PSMA8: variants seen among roughly 807,000 people sequenced by gnomAD.
PSMA8 encodes proteasome 20S subunit alpha 8, also known as proteasome subunit alpha-type 8.
PSMA8 carries 18 observed loss-of-function variants against 32.4 expected under a neutral mutation model. That is an observed-to-expected ratio of 0.56 (90% CI 0.38 to 0.82). The LOEUF is 0.82. Ranked by LOEUF, PSMA8 falls within the 40% of genes least tolerant of loss-of-function variation. PSMA8 has a pLI of 0.00. For missense variants in PSMA8, 298 were observed against 300.7 expected (o/e 0.99, Z 0.07); for synonymous variants, 104 against 98.1 (o/e 1.06, Z -0.36).
intron 4 of PSMA8, among the ~76,000 whole-genome samples, chr18:26,173,092 CTCTGT>C (rs2055236533): frequency 6.6e-6 from 1 of 152,170 alleles, no homozygotes. Context: ...CAGGTCACCT[CTCTGT>C]TCAAAATCCC....
rs1396527020 is a variant in PSMA8 at position 26,158,009 on chromosome 18, A to G, written c.355-113A>G. ...AAGGGTTAGGAAAAAGATCATTAAT[A>G]TATGTCGAATAAGAATTAGGGAAGT... is the stretch of plus-strand genomic sequence containing the variant. On this transcript the variant is annotated intron_variant, in intron 3 of 6. Coordinates refer to ENST00000415576, the MANE Select transcript of PSMA8 (RefSeq NM_001025096.2). The G allele has an allele frequency of 1.3e-5, 9 of 695,996 alleles. No individual in the cohort carries two copies. The South Asian group carries it at 2.0e-4, about 15-fold the overall frequency. 43.1% of individuals were successfully genotyped at this position (695,996 alleles called of 1,614,324 possible).
intron 4 of PSMA8, among the ~76,000 whole-genome samples, chr18:26,169,458 T>C (rs1201026005): frequency 7.6e-6 from 1 of 131,364 alleles, no homozygotes; most frequent in Admixed American, 7.2e-5. Flanking sequence ...CTTGAACTTA[T>C]AATTGGTTTT....
In PSMA8 at chr18:26,158,192, G is replaced by A. The variant is rs529333519; in HGVS notation, c.425G>A (p.Gly142Asp). 2 of 1,607,764 alleles carry A rather than the reference G, an allele frequency of 1.2e-6. No homozygotes were observed. Among genetic ancestry groups the A allele is most frequent in the African/African-American group, 2.7e-5 (2 of 74,892 alleles). ...TTAATTGTAGGTTTTGATGATGATGGTATCTCAAGATTGTATCAGACAGAT... is the reference window on the plus strand; with the variant it reads ...TTAATTGTAGGTTTTGATGATGATGATATCTCAAGATTGTATCAGACAGAT... ...SALIVGFDDD[G>D]ISRLYQTDPS... Residue 142 changes from glycine (G) to aspartate (D), a missense_variant, in exon 4 of 7, where the codon GGT becomes GAT. Gly to Asp is a moderately conservative substitution (Grantham distance 94). Transcript: ENST00000415576.
chr18:26,179,216 G>A (rs1039937527), intron 6 of PSMA8, 86 bp downstream of exon 6: 5 of 913,010 alleles, frequency 5.5e-6, no homozygotes, highest in Admixed American at 2.2e-5. Context: ...CTAGGCTTCC[G>A]ATATAATGTT....
chr18:26,173,478 A>G (rs1220222508), intron 4 of PSMA8, among the ~76,000 whole-genome samples: 2 of 151,566 alleles, frequency 1.3e-5, no homozygotes, highest in Non-Finnish European at 2.9e-5. Flanking sequence ...TTTATTTTAC[A>G]TATTTCCTTG....
At chr18:26,160,232 G>A (rs2055124659) in intron 4 of PSMA8, among the ~76,000 whole-genome samples, 1 of 152,332 alleles carries the variant, frequency 6.6e-6, no homozygotes, top group South Asian at 2.1e-4. Context: ...TTCAGCCCAA[G>A]AGTTTGAAGC....
intron 4 of PSMA8, among the ~76,000 whole-genome samples, chr18:26,177,799 T>C (rs2055275490): frequency 6.6e-6 from 1 of 152,182 alleles, no homozygotes; most frequent in African/African-American, 2.4e-5. Context: ...CCAACTTAGG[T>C]AAATAGCTTT....
chr18:26,146,031 AT>A (rs1194559371), intron 2 of PSMA8, among the ~76,000 whole-genome samples: 1 of 151,968 alleles, frequency 6.6e-6, no homozygotes, highest in Non-Finnish European at 1.5e-5. Flanking sequence ...GCTTTTCTTC[AT>A]TTTTTTATAT....
rs59710644 is a variant in PSMA8 at position 26,140,955 on chromosome 18, T to C, written c.103-3604T>C. On this transcript the variant is annotated intron_variant, in intron 1 of 6. Coordinates refer to ENST00000415576, the MANE Select transcript of PSMA8 (RefSeq NM_001025096.2). Reference sequence around the variant, plus strand: ...TTTTAAATTTTTCTACTCCGTAATATCTTTCAATCAGATTTTCAAATTTAT... The same window carrying C: ...TTTTAAATTTTTCTACTCCGTAATACCTTTCAATCAGATTTTCAAATTTAT... Among the ~76,000 whole-genome samples the C allele has an allele frequency of 7.3e-3, 1,110 of 152,306 alleles. 17 individuals carry two copies. Among genetic ancestry groups the C allele is most frequent in the African/African-American group, 0.025 (1,053 of 41,564 alleles).
At position 26,192,518 on chromosome 18, in the gene PSMA8, A is replaced by C. The variant is rs2055412711; in HGVS notation, c.*107A>C. 24 of 1,282,986 alleles carry C rather than the reference A, an allele frequency of 1.9e-5. No homozygotes were observed. In the South Asian group the frequency reaches 4.3e-4, roughly 23 times the overall value. 79.5% of individuals were successfully genotyped at this position (1,282,986 alleles called of 1,614,324 possible). A position where few individuals can be genotyped will look rare whatever the true frequency, so the allele number is the denominator to read the frequency against. On this transcript the variant is annotated 3_prime_UTR_variant, in exon 7 of 7. Coordinates refer to ENST00000415576, the MANE Select transcript of PSMA8 (RefSeq NM_001025096.2). ...ACAGTTATTTTGCAGCATTACATGC[A>C]GTACTTGTGTGATGTTTTGAGAATG...
chr18:26,164,474 G>A (rs1201832763), intron 4 of PSMA8, among the ~76,000 whole-genome samples: 1 of 152,130 alleles, frequency 6.6e-6, no homozygotes, highest in Non-Finnish European at 1.5e-5. Context: ...GGATAAACTG[G>A]CATTATATGC....
At chr18:26,152,897 G>A (rs541343104) in intron 3 of PSMA8, among the ~76,000 whole-genome samples, 2 of 152,290 alleles carry the variant, frequency 1.3e-5, no homozygotes, top group Admixed American at 1.3e-4. Context: ...TGGCATGAAA[G>A]CCCTGGCTAG....
intron 6 of PSMA8, among the ~76,000 whole-genome samples, chr18:26,181,423 C>T (rs1442258550): frequency 2.0e-5 from 3 of 152,010 alleles, no homozygotes; most frequent in African/African-American, 7.2e-5. Context: ...TGAGGCATAA[C>T]AATATTGAAA....
At chr18:26,178,725 TA>T in intron 4 of PSMA8, 104 bp from the exon 5 acceptor site, 1 of 965,400 alleles carries the variant, frequency 1.0e-6, no homozygotes, top group Admixed American at 2.8e-5. Context: ...TTGGTAATTT[TA>T]TTAAGGTATA....
chr18:26,183,478 C>T lies in PSMA8; in HGVS notation c.660+4348C>T, dbSNP rs187446954. On this transcript the variant is annotated intron_variant, in intron 6 of 6. Coordinates refer to ENST00000415576, the MANE Select transcript of PSMA8 (RefSeq NM_001025096.2). ...GATTCCAACCCTTATGAATGACTTTCAGGAGTTCAAGACTTTAGTGGAGGA... is the reference window on the plus strand; with the variant it reads ...GATTCCAACCCTTATGAATGACTTTTAGGAGTTCAAGACTTTAGTGGAGGA... Among the ~76,000 whole-genome samples the T allele has an allele frequency of 1.5e-4, 22 of 150,686 alleles. 1 individual carries two copies. Among genetic ancestry groups the T allele is most frequent in the Middle Eastern group, 3.4e-3 (1 of 292 alleles).
At chr18:26,149,557 T>C (rs1425789293) in intron 2 of PSMA8, among the ~76,000 whole-genome samples, 1 of 152,182 alleles carries the variant, frequency 6.6e-6, no homozygotes, top group African/African-American at 2.4e-5. Flanking sequence ...AGCAAAATAG[T>C]TTCATGACTG....
At chr18:26,144,504 G>A in intron 1 of PSMA8, 55 bp from the exon 2 acceptor site, 1 of 1,434,918 alleles carries the variant, frequency 7.0e-7, no homozygotes, top group Admixed American at 1.8e-5. Flanking sequence ...AGAATAACTT[G>A]GTTTTATATT....
chr18:26,192,346 T>C lies in PSMA8; in HGVS notation c.688T>C (p.Tyr230His), dbSNP rs776799358. The C allele has an allele frequency of 6.6e-7, 1 of 1,519,242 alleles. No individual in the cohort carries two copies. The highest frequency in any genetic ancestry group is 1.4e-5 in the South Asian group (1 of 72,824). 94.1% of individuals were successfully genotyped at this position (1,519,242 alleles called of 1,614,324 possible). A position where few individuals can be genotyped will look rare whatever the true frequency, so the allele number is the denominator to read the frequency against. The stretch of plus-strand genomic sequence containing the variant: ...GTTTAGTGCAAAAGAAGTTGAATTA[T>C]ATGTAACTGAAATAGAAAAGGAAAA... ...KMFSAKEVEL[Y>H]VTEIEKEKEE... Residue 230 changes from tyrosine to histidine, a missense_variant, in exon 7 of 7, where the codon TAT becomes CAT. By Grantham distance (83) the Tyr-to-His change is moderately conservative. Coordinates refer to ENST00000415576, the MANE Select transcript of PSMA8 (RefSeq NM_001025096.2).
chr18:26,135,713 TAGGGTG>T (rs2054906077), intron 1 of PSMA8, among the ~76,000 whole-genome samples: 1 of 152,134 alleles, frequency 6.6e-6, no homozygotes, highest in Non-Finnish European at 1.5e-5. Context: ...AGGAGAAGAC[TAGGGTG>T]TAATAAGAAA....
Sources: gnomAD v4.1 joint callset for allele counts (sites outside exome capture counted in the v4.1 genomes callset) on GRCh38, gnomAD v4.1.1 for gene constraint, MANE v1.5 for transcripts, NCBI Gene and HGNC (gene_info 2026-07-23, HGNC 2026-07-21) for gene names.